Variants in RGMA observed in about 807,000 individuals in gnomAD.
RGMA encodes repulsive guidance molecule BMP co-receptor a, also known as repulsive guidance molecule A.
RGMA carries 10 observed loss-of-function variants against 23.2 expected under a neutral mutation model. That is an observed-to-expected ratio of 0.43 (90% CI 0.27 to 0.73). The LOEUF is 0.73. Ranked by LOEUF, RGMA falls within the 30% of genes least tolerant of loss-of-function variation. The pLI is 0.20. For missense variants in RGMA, 547 were observed against 630.5 expected (o/e 0.87, Z 1.42); for synonymous variants, 308 against 279.3 (o/e 1.10, Z -1.03).
At chr15:93,052,652 C>T (rs2054946986) in intron 2 of RGMA, 145 bp from the exon 3 acceptor site, 3 of 964,866 alleles carry the variant, frequency 3.1e-6, no homozygotes, top group Non-Finnish European at 4.5e-6. Flanking sequence ...GAAAAATTTC[C>T]TGCAGGTGGT....
At chr15:93,069,068 A>G (rs1166149197) in intron 2 of RGMA, among the ~76,000 whole-genome samples, 1 of 152,108 alleles carries the variant, frequency 6.6e-6, no homozygotes, top group Non-Finnish European at 1.5e-5. Flanking sequence ...TCCTACTGGG[A>G]GAGCAATAGT....
At chr15:93,088,835 A>G in intron 1 of RGMA, 84 bp downstream of exon 1, 1 of 1,285,894 alleles carries the variant, frequency 7.8e-7, no homozygotes, top group Non-Finnish European at 1.1e-6. Context: ...AGGAAGACCA[A>G]AGCAGCGCCG....
chr15:93,057,157 A>C (rs1244688718), intron 2 of RGMA, among the ~76,000 whole-genome samples: 2 of 152,158 alleles, frequency 1.3e-5, no homozygotes, highest in Admixed American at 1.3e-4. Flanking sequence ...GGATCAGTCA[A>C]TGGTCATGAC....
At chr15:93,067,021 A>C (rs888335189) in intron 2 of RGMA, among the ~76,000 whole-genome samples, 9 of 152,194 alleles carry the variant, frequency 5.9e-5, no homozygotes, top group African/African-American at 1.9e-4. Context: ...TGCCTGCTAC[A>C]CTGTGGCCAC....
chr15:93,082,428 C>T (rs535108656), intron 1 of RGMA, among the ~76,000 whole-genome samples: 2 of 152,318 alleles, frequency 1.3e-5, no homozygotes, highest in Admixed American at 6.5e-5. Flanking sequence ...ATTTCACAAA[C>T]GAGACAGACT....
In RGMA at chr15:93,043,691, TGGAG is replaced by T. The variant is rs1285941575; in HGVS notation, c.*1303_*1306del. ...TTCTGGCAGAGGGAGCAGGACCTCT[TGGAG>T]GGAGGGGGAGACACACGTTCTGCAG... On this transcript the variant is annotated 3_prime_UTR_variant, in exon 4 of 4. Coordinates refer to ENST00000329082, the MANE Select transcript of RGMA (RefSeq NM_020211.3). 1.4e-5 allele frequency: 2 copies of T among 142,874 alleles called. No individual in the cohort carries two copies. Among genetic ancestry groups the T allele is most frequent in the African/African-American group, 2.5e-5 (1 of 39,742 alleles). The allele number at this position is 142,874 out of a possible 1,614,324, so 8.9% of individuals were successfully genotyped here. A position where few individuals can be genotyped will look rare whatever the true frequency, so the allele number is the denominator to read the frequency against.
chr15:93,086,187 G>C (rs1243701419), intron 1 of RGMA, among the ~76,000 whole-genome samples: 1 of 152,158 alleles, frequency 6.6e-6, no homozygotes, highest in East Asian at 1.9e-4. Context: ...AGAGCCACAG[G>C]AACACCACAG....
intron 2 of RGMA, among the ~76,000 whole-genome samples, chr15:93,054,903 T>G (rs73458378): frequency 0.073 from 11,165 of 152,212 alleles, 454 homozygotes; most frequent in Non-Finnish European, 0.094. Flanking sequence ...CTGTAGGCTT[T>G]GAAATGTTGG....
intron 1 of RGMA, among the ~76,000 whole-genome samples, chr15:93,082,161 T>A (rs1404754331): frequency 6.6e-6 from 1 of 152,248 alleles, no homozygotes; most frequent in Non-Finnish European, 1.5e-5. Flanking sequence ...AATATTCATT[T>A]TATATCATGG....
intron 1 of RGMA, among the ~76,000 whole-genome samples, chr15:93,084,458 G>T (rs942402642): frequency 2.7e-5 from 4 of 149,588 alleles, no homozygotes; most frequent in African/African-American, 1.0e-4. Context: ...AGATGTCAAG[G>T]TTTTTTTGTT....
intron 3 of RGMA, among the ~76,000 whole-genome samples, chr15:93,046,558 G>A (rs1881842): frequency 0.79 from 119,473 of 152,072 alleles, 47,420 homozygotes; most frequent in East Asian, 0.93. Context: ...TGGTACTGGA[G>A]CACAATTCCT....
intron 1 of RGMA, among the ~76,000 whole-genome samples, chr15:93,077,868 C>T (rs923291346): frequency 5.3e-5 from 8 of 152,164 alleles, no homozygotes; most frequent in Admixed American, 3.3e-4. Context: ...CCACCACACC[C>T]GGCTAATTTT....
intron 2 of RGMA, chr15:93,065,586 AC>A (rs1895115745): frequency 1.3e-6 from 1 of 770,850 alleles, no homozygotes; most frequent in African/African-American, 1.7e-5. Flanking sequence ...AGTTGGAATC[AC>A]TCCAGGATGG....
chr15:93,055,621 C>A (rs956799585), intron 2 of RGMA, among the ~76,000 whole-genome samples: 3 of 152,210 alleles, frequency 2.0e-5, no homozygotes, highest in Non-Finnish European at 4.4e-5. Flanking sequence ...CCGATTCCCT[C>A]CCCCACGGGT....
chr15:93,085,114 T>C (rs768010174), intron 1 of RGMA, among the ~76,000 whole-genome samples: 1 of 152,204 alleles, frequency 6.6e-6, no homozygotes, highest in Non-Finnish European at 1.5e-5. Flanking sequence ...AGAATATCTC[T>C]GTTTCACAAG....
Position 93,066,646 on chromosome 15 carries a change from C to T in RGMA, c.130+6270G>A, listed in dbSNP as rs148545725. On this transcript the variant is annotated intron_variant, in intron 2 of 3. Transcript: ENST00000329082. ...GTCACCACCGCCGCCGCCTCCACCT[C>T]GCTCATCCTGCCGGGTCCAGTACCG... The T allele has an allele frequency of 3.5e-3, 1,539 of 441,868 alleles. 26 individuals are homozygous for T. Among genetic ancestry groups the T allele is most frequent in the African/African-American group, 0.029 (1,428 of 48,618 alleles). 27.4% of individuals were successfully genotyped at this position (441,868 alleles called of 1,614,324 possible).
chr15:93,066,146 G>T, intron 2 of RGMA: 2 of 1,357,234 alleles, frequency 1.5e-6, no homozygotes, highest in Non-Finnish European at 2.1e-6. Flanking sequence ...ACCTCCCCGG[G>T]CCCAGTTACA....
At chr15:93,056,660 C>T (rs1287640541) in intron 2 of RGMA, among the ~76,000 whole-genome samples, 1 of 152,180 alleles carries the variant, frequency 6.6e-6, no homozygotes, top group Non-Finnish European at 1.5e-5. Flanking sequence ...CTATTCCCTC[C>T]AAGTTCTGCC....
chr15:93,066,215 C>T, intron 2 of RGMA: 1 of 1,415,214 alleles, frequency 7.1e-7, no homozygotes, highest in Non-Finnish European at 1.0e-6. Flanking sequence ...GTCTCCTCAT[C>T]TCCAACGCTG....
Sources: gnomAD v4.1 joint callset for allele counts (sites outside exome capture counted in the v4.1 genomes callset) on GRCh38, gnomAD v4.1.1 for gene constraint, MANE v1.5 for transcripts, NCBI Gene and HGNC (gene_info 2026-07-23, HGNC 2026-07-21) for gene names.